The following LTBP1 variants were observed in gnomAD, a reference collection of about 807,000 sequenced individuals.
LTBP1 encodes latent transforming growth factor beta binding protein 1.
In LTBP1, 129 loss-of-function variants were observed where a neutral mutation model predicts 207.6. That is an observed-to-expected ratio of 0.62 (90% confidence interval 0.54 to 0.72). The LOEUF (loss-of-function observed/expected upper bound fraction) is 0.72. LTBP1 is among the 30% of genes least tolerant of loss of function. The pLI is 0.00. For synonymous variants in LTBP1, 963 were observed against 833.7 expected (o/e 1.16, Z -2.67); for missense variants, 2,281 against 2,217.2 (o/e 1.03, Z -0.58).
At chr2:33,314,991 T>A (rs946225235) in intron 23 of LTBP1, among the ~76,000 whole-genome samples, 153 bp from the exon 24 acceptor site, 14 of 152,250 alleles carry the variant, frequency 9.2e-5, no homozygotes, top group African/African-American at 3.4e-4. Context: ...TAACTCAGCT[T>A]GTCCTGTGGT....
chr2:33,192,711 A>G (rs1460199303), intron 7 of LTBP1, among the ~76,000 whole-genome samples: 1 of 152,200 alleles, frequency 6.6e-6, no homozygotes, highest in Non-Finnish European at 1.5e-5. Context: ...TTGTGTTGTT[A>G]TAACAGAGTG....
rs1572790630 is a variant in LTBP1 at position 33,134,622 on chromosome 2, G to A, written c.1034-171G>A. The A allele has an allele frequency of 2.0e-6, 3 of 1,531,756 alleles. No individual in the cohort carries two copies. Among genetic ancestry groups the A allele is most frequent in the African/African-American group, 1.4e-5 (1 of 72,824 alleles). 94.9% of individuals were successfully genotyped at this position (1,531,756 alleles called of 1,614,324 possible). A position where few individuals can be genotyped will look rare whatever the true frequency, so the allele number is the denominator to read the frequency against. On this transcript the variant is annotated intron_variant, in intron 4 of 33. Transcript: ENST00000404816. This position sits in a 1 kb window ranked among gnomAD's most constrained non-coding sequence, Gnocchi z 4.4. Reference sequence around the variant, plus strand: ...GAGACACCACTGAATACAGAGCAGCGAGCACTGAAGGCTTCCCTCTTTCCT... The same window carrying A: ...GAGACACCACTGAATACAGAGCAGCAAGCACTGAAGGCTTCCCTCTTTCCT...
intron 3 of LTBP1, among the ~76,000 whole-genome samples, chr2:33,096,247 ACTAT>A (rs944865905): frequency 1.3e-5 from 2 of 152,174 alleles, no homozygotes; most frequent in African/African-American, 4.8e-5. Context: ...TAGAAAATAA[ACTAT>A]CTATACTCAG....
chr2:33,324,377 G>GGTATGTAT (rs753544732), intron 24 of LTBP1, among the ~76,000 whole-genome samples: 8 of 150,914 alleles, frequency 5.3e-5, no homozygotes, highest in East Asian at 3.9e-4. Context: ...CTTTATCATA[G>GGTATGTAT]GTATGTATGT....
At chr2:33,061,649 T>C (rs542260800) in intron 3 of LTBP1, among the ~76,000 whole-genome samples, 1 of 152,304 alleles carries the variant, frequency 6.6e-6, no homozygotes, top group East Asian at 1.9e-4. Context: ...TTCATTCCTT[T>C]TTATTGTTAG....
intron 32 of LTBP1, among the ~76,000 whole-genome samples, chr2:33,396,050 G>A (rs1404958796): frequency 1.3e-5 from 2 of 151,830 alleles, no homozygotes; most frequent in Admixed American, 1.3e-4. Context: ...CTTGATGCCT[G>A]GCTAAATTGT....
intron 22 of LTBP1, among the ~76,000 whole-genome samples, chr2:33,308,605 A>T (rs950000347): frequency 6.6e-6 from 1 of 152,196 alleles, no homozygotes; most frequent in African/African-American, 2.4e-5. Flanking sequence ...CCTAAAGTTG[A>T]TGCTACTACT....
At chr2:33,256,780 TTA>T (rs1488504318) in intron 11 of LTBP1, among the ~76,000 whole-genome samples, 2 of 99,756 alleles carry the variant, frequency 2.0e-5, no homozygotes, top group African/African-American at 8.1e-5. Context: ...ATATATATAG[TTA>T]CCCTCTGTAT....
At chr2:33,197,671 G>C (rs1346183291) in intron 7 of LTBP1, among the ~76,000 whole-genome samples, 2 of 152,126 alleles carry the variant, frequency 1.3e-5, no homozygotes, top group African/African-American at 4.8e-5. Context: ...ATGTTTTATT[G>C]ATTGCCCAGT....
chr2:33,016,105 G>T (rs1045784352), intron 2 of LTBP1, among the ~76,000 whole-genome samples: 1 of 152,122 alleles, frequency 6.6e-6, no homozygotes, highest in Non-Finnish European at 1.5e-5. Context: ...GTGGGAGAAG[G>T]GTGGGCTTGA....
intron 31 of LTBP1, among the ~76,000 whole-genome samples, chr2:33,378,479 G>T (rs1020147206): frequency 1.3e-5 from 2 of 152,010 alleles, no homozygotes; most frequent in African/African-American, 2.4e-5. Flanking sequence ...CAATCCACCC[G>T]CCTCAGCCTC....
chr2:32,976,688 G>A (rs1339341780), intron 2 of LTBP1, among the ~76,000 whole-genome samples: 1 of 152,158 alleles, frequency 6.6e-6, no homozygotes, highest in African/African-American at 2.4e-5. Flanking sequence ...TAGGAGTTCT[G>A]GTTCATGAGG....
At chr2:33,285,035 C>T (rs867753712) in intron 19 of LTBP1, among the ~76,000 whole-genome samples, 2,335 of 120,100 alleles carry the variant, frequency 0.019, 102 homozygotes, top group African/African-American at 0.071. Flanking sequence ...GTATCACATT[C>T]TTTTTTTTTT....
chr2:33,295,498 G>A (rs1324837580), intron 20 of LTBP1, among the ~76,000 whole-genome samples: 1 of 152,054 alleles, frequency 6.6e-6, no homozygotes, highest in Non-Finnish European at 1.5e-5. Flanking sequence ...CTGCACACCA[G>A]CCTGAGTGAC....
At chr2:33,036,751 C>G (rs1170564703) in intron 3 of LTBP1, among the ~76,000 whole-genome samples, 2 of 152,278 alleles carry the variant, frequency 1.3e-5, no homozygotes, top group East Asian at 3.9e-4. Flanking sequence ...AGACACTGTG[C>G]CCAGCCTCGT....
chr2:33,298,132 A>C (rs2093916496), intron 20 of LTBP1, among the ~76,000 whole-genome samples: 1 of 152,234 alleles, frequency 6.6e-6, no homozygotes, highest in African/African-American at 2.4e-5. Flanking sequence ...CTATTTTATT[A>C]GAAAGCTTTC....
intron 2 of LTBP1, among the ~76,000 whole-genome samples, chr2:32,988,064 T>C (rs1421444506): frequency 1.3e-5 from 2 of 152,216 alleles, no homozygotes; most frequent in Non-Finnish European, 2.9e-5. Context: ...CAAAGAATGC[T>C]GGCAGACACC....
At chr2:33,252,110 G>A (rs116106374) in intron 10 of LTBP1, among the ~76,000 whole-genome samples, 1 of 152,164 alleles carries the variant, frequency 6.6e-6, no homozygotes, top group Non-Finnish European at 1.5e-5. Context: ...TAGAACAGGG[G>A]CCTTGTGTGG....
chr2:33,266,276 G>T (rs1294540611), intron 15 of LTBP1, among the ~76,000 whole-genome samples: 2 of 152,240 alleles, frequency 1.3e-5, no homozygotes, highest in African/African-American at 4.8e-5. Context: ...TGGACATTGG[G>T]CACCAATGAG....
Sources: allele counts gnomAD v4.1 joint callset (sites outside exome capture counted in the v4.1 genomes callset), GRCh38; gene constraint gnomAD v4.1.1; non-coding constraint Gnocchi (gnomAD v3.1); transcripts MANE v1.5; gene names NCBI Gene and HGNC (gene_info 2026-07-23, HGNC 2026-07-21).